Variants in MARK3 observed in about 807,000 individuals in gnomAD.
MARK3 encodes the protein microtubule affinity regulating kinase 3.
A neutral mutation model predicts 90.1 loss-of-function variants in MARK3; 46 were observed. The observed-to-expected ratio is 0.51, with a 90% CI of 0.40 to 0.65. MARK3 has a LOEUF of 0.65. Among genes scored for constraint, MARK3 ranks in the 30% least tolerant of loss-of-function variants. The probability of loss-of-function intolerance (pLI) is 0.00; values close to 1 mark genes in which losing one functional copy is unlikely to be tolerated. For missense variants in MARK3, 818 were observed against 947.2 expected, an observed-to-expected ratio of 0.86 and a Z score of 1.79; for synonymous variants, 321 against 332.6, an observed-to-expected ratio of 0.97 and a Z score of 0.38.
chr14:103,447,211 A>G (rs1191550055), intron 3 of MARK3, among the ~76,000 whole-genome samples: 1 of 152,082 alleles, frequency 6.6e-6, no homozygotes, highest in Non-Finnish European at 1.5e-5. Flanking sequence ...GAGGGGGAGG[A>G]TTGATTGAGC....
At chr14:103,486,249 G>A (rs1242117107) in intron 14 of MARK3, among the ~76,000 whole-genome samples, 1 of 152,104 alleles carries the variant, frequency 6.6e-6, no homozygotes, top group Non-Finnish European at 1.5e-5. Flanking sequence ...GACCAGCCTG[G>A]CCAACATGGT....
chr14:103,468,911 G>C (rs766384501), intron 12 of MARK3, among the ~76,000 whole-genome samples: 1 of 151,464 alleles, frequency 6.6e-6, no homozygotes, highest in Non-Finnish European at 1.5e-5. Context: ...TTACAGACGT[G>C]AGCCACCATG....
intron 14 of MARK3, among the ~76,000 whole-genome samples, chr14:103,482,905 T>C (rs953218304): frequency 6.6e-6 from 1 of 152,230 alleles, no homozygotes; most frequent in African/African-American, 2.4e-5. Flanking sequence ...ATTGAAATAC[T>C]TTGCTTCTGA....
chr14:103,453,562 T>A (rs2093205245), intron 5 of MARK3, among the ~76,000 whole-genome samples: 1 of 152,244 alleles, frequency 6.6e-6, no homozygotes, highest in Non-Finnish European at 1.5e-5. Flanking sequence ...TTTATACTCC[T>A]AATTCATTAT....
intron 3 of MARK3, among the ~76,000 whole-genome samples, chr14:103,444,281 C>T (rs549362333): frequency 6.6e-6 from 1 of 152,154 alleles, no homozygotes; most frequent in East Asian, 1.9e-4. Context: ...GATTCCAAAT[C>T]TTTGCCTTCA....
At chr14:103,415,370 C>G (rs2091901423) in intron 2 of MARK3, among the ~76,000 whole-genome samples, 1 of 152,022 alleles carries the variant, frequency 6.6e-6, no homozygotes, top group South Asian at 2.1e-4. Context: ...ATGAACCAAT[C>G]AGAAATGGAT....
intron 2 of MARK3, among the ~76,000 whole-genome samples, chr14:103,416,885 G>A (rs1331948821): frequency 1.3e-5 from 2 of 152,206 alleles, no homozygotes; most frequent in African/African-American, 4.8e-5. Flanking sequence ...AATTTTCTGA[G>A]TGCAAACTGT....
At chr14:103,483,363 GAAT>G (rs771532174) in intron 14 of MARK3, among the ~76,000 whole-genome samples, 1 of 152,110 alleles carries the variant, frequency 6.6e-6, no homozygotes, top group Admixed American at 6.5e-5. Flanking sequence ...TTCAACATGA[GAAT>G]AATGATGGCT....
At chr14:103,450,669 CA>C (rs1432860127) in intron 4 of MARK3, among the ~76,000 whole-genome samples, 3 of 152,200 alleles carry the variant, frequency 2.0e-5, no homozygotes, top group Non-Finnish European at 4.4e-5. Context: ...CTTTATTCAT[CA>C]GTTCATCAAA....
rs201158685 is a variant in MARK3 at position 103,468,428 on chromosome 14, G to A, written c.1264+242G>A. Among the ~76,000 whole-genome samples, 6 of 141,086 alleles carry A rather than the reference G, an allele frequency of 4.3e-5. No individual in the cohort carries two copies. The East Asian group carries it at 1.2e-3, about 28-fold the overall frequency. The allele number at this position is 141,086 out of a possible 152,430, so 92.6% of individuals were successfully genotyped here. ...CAACCTCCACCTCCCAGGTTCAAGC[G>A]ATTCTCCTGCCTCAGCCTCCTGAAT... is the stretch of plus-strand genomic sequence containing the variant. On this transcript the variant is annotated intron_variant, in intron 12 of 17. Transcript: ENST00000429436.
chr14:103,439,817 G>C (rs532874496), intron 3 of MARK3, among the ~76,000 whole-genome samples: 5 of 151,690 alleles, frequency 3.3e-5, no homozygotes, highest in Middle Eastern at 3.4e-3. Context: ...ACGGAGTTTC[G>C]CTCTTGTTAC....
intron 1 of MARK3, among the ~76,000 whole-genome samples, chr14:103,396,571 G>A (rs746520101): frequency 2.6e-5 from 4 of 152,114 alleles, no homozygotes; most frequent in Admixed American, 6.5e-5. Flanking sequence ...GCTAGTACTT[G>A]TTATTATAAA....
In MARK3 at chr14:103,414,310, A is replaced by T. The variant is rs555482940; in HGVS notation, c.243+9043A>T. ...AACCTCCACCTCCCAGGTTCAAGCG[A>T]TTCCCCTGCCTCAGCCTCCCTAGTA... On this transcript the variant is annotated intron_variant, in intron 2 of 17. Transcript: ENST00000429436. 9.2e-5 allele frequency among the ~76,000 whole-genome samples: 14 copies of T among 151,454 alleles called. No homozygotes were observed. The South Asian group carries it at 2.7e-3, about 29-fold the overall frequency.
rs754123718 is a variant in MARK3 at position 103,458,776 on chromosome 14, T to C, written c.483+1564T>C. 3.0e-5 allele frequency: 22 copies of C among 726,280 alleles called. No homozygotes were observed. The Admixed American group carries it at 3.4e-4, about 11-fold the overall frequency. The allele number at this position is 726,280 out of a possible 1,614,324, so 45.0% of individuals were successfully genotyped here. Reference sequence around the variant, plus strand: ...AAAGTTCAAGTCTCCTTTGATTTGCTTAGTCTGATGTTTACATTTGTAAGT... The same window carrying C: ...AAAGTTCAAGTCTCCTTTGATTTGCCTAGTCTGATGTTTACATTTGTAAGT... On this transcript the variant is annotated intron_variant, in intron 6 of 17. Transcript: ENST00000429436.
At chr14:103,441,237 A>G (rs1268804596) in intron 3 of MARK3, among the ~76,000 whole-genome samples, 1 of 152,086 alleles carries the variant, frequency 6.6e-6, no homozygotes, top group South Asian at 2.1e-4. Context: ...AGTTACATTT[A>G]TCAGTCTTTT....
intron 17 of MARK3, among the ~76,000 whole-genome samples, chr14:103,501,263 A>G (rs554426227): frequency 9.8e-5 from 15 of 152,326 alleles, no homozygotes; most frequent in African/African-American, 3.6e-4. Context: ...GGTGAGTGCC[A>G]GGCAGCATTC....
In MARK3 at chr14:103,456,658, A is replaced by G. The variant is rs150854029; in HGVS notation, c.413-484A>G. On this transcript the variant is annotated intron_variant, in intron 5 of 17. Transcript: ENST00000429436. ...CTCCCCCAACTAGAATGTAAACTCTATGAGGAAAAGGATCTTGTGTTCACT... is the reference window on the plus strand; with the variant it reads ...CTCCCCCAACTAGAATGTAAACTCTGTGAGGAAAAGGATCTTGTGTTCACT... 9.5e-4 allele frequency among the ~76,000 whole-genome samples: 144 copies of G among 152,298 alleles called. 2 individuals carry two copies. The highest frequency in any genetic ancestry group is 3.4e-3 in the African/African-American group (141 of 41,546).
intron 1 of MARK3, among the ~76,000 whole-genome samples, chr14:103,394,236 C>T (rs963990931): frequency 6.6e-6 from 1 of 152,166 alleles, no homozygotes; most frequent in African/African-American, 2.4e-5. Context: ...TATCCATTTT[C>T]AAATTTCAAA....
chr14:103,396,650 G>T (rs2090599243), intron 1 of MARK3, among the ~76,000 whole-genome samples: 2 of 152,244 alleles, frequency 1.3e-5, no homozygotes, highest in South Asian at 4.2e-4. Flanking sequence ...GGTTGTTGTA[G>T]TAGAGTAGCG....
Sources: allele counts gnomAD v4.1 joint callset (sites outside exome capture counted in the v4.1 genomes callset), GRCh38; gene constraint gnomAD v4.1.1; transcripts MANE v1.5; gene names NCBI Gene and HGNC (gene_info 2026-07-23, HGNC 2026-07-21).